FBXL13: variants seen among roughly 807,000 people sequenced by gnomAD.
FBXL13 encodes F-box and leucine-rich repeat protein 13.
Under a neutral mutation model 83.6 loss-of-function variants are expected in FBXL13, and 67 were observed. That is an observed-to-expected ratio of 0.80 (90% confidence interval 0.66 to 0.98). The LOEUF is 0.98. Among genes scored for constraint, FBXL13 ranks in the 50% least tolerant of loss-of-function variants. The pLI, the probability that FBXL13 is intolerant of heterozygous loss-of-function variation, is 0.00. For synonymous variants in FBXL13, 272 were observed against 299.5 expected (o/e 0.91, Z 0.95); for missense variants, 822 against 866.5 (o/e 0.95, Z 0.64).
chr7:103,038,143 T>C (rs927332514), intron 2 of FBXL13, among the ~76,000 whole-genome samples: 1 of 152,158 alleles, frequency 6.6e-6, no homozygotes, highest in African/African-American at 2.4e-5. Context: ...GACCAGGAGA[T>C]ACCCTCCCTC....
intron 16 of FBXL13, among the ~76,000 whole-genome samples, chr7:102,868,495 C>CT (rs1563018344): frequency 6.6e-6 from 1 of 152,108 alleles, no homozygotes; most frequent in South Asian, 2.1e-4. Flanking sequence ...AGATTTCACT[C>CT]TTTTTTGGGC....
rs1005573327 is a variant in FBXL13 at position 102,861,070 on chromosome 7, C to T, written c.1636-6210G>A. On this transcript the variant is annotated intron_variant, in intron 16 of 19. Coordinates refer to ENST00000313221, the Ensembl canonical transcript of FBXL13. The stretch of plus-strand genomic sequence containing the variant: ...AAAATAAGTTTCAGATATCATGATG[C>T]TTTATCCCTAAATATTTCATGTGCA... Among the ~76,000 whole-genome samples the T allele has an allele frequency of 2.6e-5, 4 of 151,852 alleles. No individual in the cohort carries two copies. In the South Asian group the frequency reaches 6.2e-4, roughly 24 times the overall value.
chr7:103,043,376 G>A (rs1008848307), intron 2 of FBXL13, among the ~76,000 whole-genome samples: 5 of 152,204 alleles, frequency 3.3e-5, no homozygotes, highest in African/African-American at 1.2e-4. Flanking sequence ...GTTGGCGGGA[G>A]TGTAAATTAG....
At chr7:102,827,270 C>A in intron 18 of FBXL13, 1 of 383,508 alleles carries the variant, frequency 2.6e-6, no homozygotes, top group Non-Finnish European at 5.7e-6. Context: ...CTAGGCCAAC[C>A]AGCTCTAAGG....
chr7:102,899,561 T>A (rs900809268), intron 11 of FBXL13, among the ~76,000 whole-genome samples: 1 of 152,162 alleles, frequency 6.6e-6, no homozygotes, highest in African/African-American at 2.4e-5. Context: ...TTCCCAATGT[T>A]AAGTATCCAG....
chr7:102,966,272 T>C (rs997217613), intron 7 of FBXL13, among the ~76,000 whole-genome samples: 2 of 152,226 alleles, frequency 1.3e-5, no homozygotes, highest in Non-Finnish European at 2.9e-5. Context: ...GATTACTGTT[T>C]ACTACCCTAA....
chr7:102,939,271 C>T (rs781666491), intron 8 of FBXL13, among the ~76,000 whole-genome samples: 8 of 152,186 alleles, frequency 5.3e-5, no homozygotes, highest in Non-Finnish European at 7.3e-5. Context: ...TGGAATTTAG[C>T]GTATGCTAAG....
intron 11 of FBXL13, among the ~76,000 whole-genome samples, chr7:102,895,018 A>G (rs1253138075): frequency 6.6e-6 from 1 of 152,140 alleles, no homozygotes; most frequent in African/African-American, 2.4e-5. Context: ...GTATTGTATT[A>G]TTTGCTAAGG....
chr7:102,854,908 G>A (rs1805812589), intron 16 of FBXL13, 48 bp from the exon 18 acceptor site: 4 of 1,079,104 alleles, frequency 3.7e-6, no homozygotes, highest in Non-Finnish European at 5.4e-6. Flanking sequence ...CATTTAGTAT[G>A]GAATATATAG....
chr7:103,010,880 G>A (rs1791536740), intron 6 of FBXL13, among the ~76,000 whole-genome samples: 2 of 152,180 alleles, frequency 1.3e-5, no homozygotes, highest in South Asian at 2.1e-4. Context: ...CTGTGCAACC[G>A]AACACCCAAC....
chr7:102,882,898 A>T (rs941134088), intron 14 of FBXL13, among the ~76,000 whole-genome samples: 1 of 152,176 alleles, frequency 6.6e-6, no homozygotes. Flanking sequence ...TTTGTCAGAA[A>T]TTCTTCACAG....
intron 6 of FBXL13, among the ~76,000 whole-genome samples, chr7:102,980,419 T>C (rs549624377): frequency 1.9e-4 from 29 of 152,302 alleles, no homozygotes; most frequent in African/African-American, 7.0e-4. Flanking sequence ...AAGAATGAGT[T>C]TGGACCCTCT....
intron 2 of FBXL13, 62 bp from the exon 3 acceptor site, chr7:103,055,240 A>C: frequency 1.1e-6 from 1 of 889,278 alleles, no homozygotes; most frequent in Non-Finnish European, 1.5e-6. Flanking sequence ...TTCCGTAATT[A>C]AATCAGTGAT....
At chr7:102,833,711 C>G (rs777439085) in intron 17 of FBXL13, among the ~76,000 whole-genome samples, 2 of 152,066 alleles carry the variant, frequency 1.3e-5, no homozygotes, top group Middle Eastern at 3.4e-3. Flanking sequence ...GCATGAGCCA[C>G]TGTGCCCAGC....
At chr7:102,901,199 A>T (rs1016351652) in intron 11 of FBXL13, among the ~76,000 whole-genome samples, 9 of 151,698 alleles carry the variant, frequency 5.9e-5, no homozygotes, top group African/African-American at 2.2e-4. Context: ...TTTTGTGAAA[A>T]CTCCAAAATT....
chr7:102,814,477 T>C (rs1797722092), intron 19 of FBXL13: 1 of 152,182 alleles, frequency 6.6e-6, no homozygotes, highest in African/African-American at 2.4e-5. Flanking sequence ...ACCAACAACA[T>C]AGAGATAACA....
chr7:103,026,674 A>G (rs1281011942), intron 5 of FBXL13, among the ~76,000 whole-genome samples: 5 of 152,202 alleles, frequency 3.3e-5, no homozygotes, highest in African/African-American at 1.2e-4. Flanking sequence ...ATATGTAAGT[A>G]ATAAATCTCC....
intron 2 of FBXL13, among the ~76,000 whole-genome samples, chr7:103,031,547 C>T (rs1794513437): frequency 6.6e-6 from 1 of 152,176 alleles, no homozygotes; most frequent in Non-Finnish European, 1.5e-5. Flanking sequence ...GTGCTGGCTA[C>T]AGATGGCCTC....
intron 11 of FBXL13, among the ~76,000 whole-genome samples, chr7:102,909,771 A>G (rs1402693419): frequency 6.6e-6 from 1 of 152,160 alleles, no homozygotes; most frequent in East Asian, 1.9e-4. Flanking sequence ...GATGCAAGAC[A>G]AAGTCCTCCC....
Sources: allele counts gnomAD v4.1 joint callset (sites outside exome capture counted in the v4.1 genomes callset), GRCh38; gene constraint gnomAD v4.1.1; transcripts MANE v1.5; gene names NCBI Gene and HGNC (gene_info 2026-07-23, HGNC 2026-07-21).